Variants in SPTLC3 observed in about 807,000 individuals in gnomAD.
SPTLC3 encodes the protein serine palmitoyltransferase long chain base subunit 3, also known as serine palmitoyltransferase 3.
A neutral mutation model predicts 59.3 loss-of-function variants in SPTLC3; 36 were observed. The observed-to-expected ratio is 0.61, with a 90% CI of 0.47 to 0.80. The LOEUF is 0.80. Among genes scored for constraint, SPTLC3 ranks in the 30% least tolerant of loss-of-function variants. SPTLC3 has a pLI of 0.00. For synonymous variants in SPTLC3, 257 were observed against 240.8 expected (o/e 1.07, Z -0.62); for missense variants, 625 against 685.1 (o/e 0.91, Z 0.98).
chr20:13,027,927 AT>A (rs1324046465), intron 1 of SPTLC3, among the ~76,000 whole-genome samples: 1 of 152,140 alleles, frequency 6.6e-6, no homozygotes, highest in Non-Finnish European at 1.5e-5. Flanking sequence ...TATGATGTAT[AT>A]TTCTTAGAAT....
intron 6 of SPTLC3, among the ~76,000 whole-genome samples, chr20:13,099,133 A>G (rs1019670365): frequency 6.6e-6 from 1 of 152,204 alleles, no homozygotes; most frequent in African/African-American, 2.4e-5. Flanking sequence ...GAGACTATCC[A>G]CGTAGGTCTA....
intron 4 of SPTLC3, among the ~76,000 whole-genome samples, chr20:13,075,918 A>C (rs985721017): frequency 7.2e-5 from 11 of 152,214 alleles, no homozygotes; most frequent in Admixed American, 2.0e-4. Context: ...GTTCACTTAC[A>C]GGGGAAGCCA....
At chr20:13,022,423 C>T (rs58975911) in intron 1 of SPTLC3, among the ~76,000 whole-genome samples, 45,441 of 152,144 alleles carry the variant, frequency 0.3, 7,107 homozygotes, top group South Asian at 0.46. Context: ...TTTTATTATG[C>T]TTGTGGATTC....
At chr20:13,117,437 G>A in intron 7 of SPTLC3, 69 bp from the exon 8 acceptor site, 1 of 1,414,282 alleles carries the variant, frequency 7.1e-7, no homozygotes, top group Non-Finnish European at 9.6e-7. Flanking sequence ...AGGATGTATT[G>A]ATGGGGAAAC....
chr20:13,117,677 A>T lies in SPTLC3; in HGVS notation c.1104A>T (p.Thr368=). 2 of 1,613,780 alleles carry T rather than the reference A, an allele frequency of 1.2e-6. No individual in the cohort carries two copies. The highest frequency in any genetic ancestry group is 1.1e-5 in the South Asian group (1 of 91,014). The part of the protein sequence containing the change: ...DPHEVDVLMG[T]FTKSFGASGG... Reference sequence around the variant, plus strand: ...ATGAAGTTGATGTGCTCATGGGCACATTCACCAAAAGTTTTGGAGCTTCAG... The same window carrying T: ...ATGAAGTTGATGTGCTCATGGGCACTTTCACCAAAAGTTTTGGAGCTTCAG... The change falls in exon 8 of 12, where the codon ACA becomes ACT. Residue 368 remains threonine, a synonymous_variant. Transcript: ENST00000399002.
intron 6 of SPTLC3, among the ~76,000 whole-genome samples, chr20:13,097,465 A>T (rs1249220227): frequency 6.6e-6 from 1 of 152,120 alleles, no homozygotes; most frequent in Non-Finnish European, 1.5e-5. Flanking sequence ...TTTAAGTTAA[A>T]GCTTTGAACA....
chr20:13,142,607 A>G (rs921698983), intron 9 of SPTLC3, among the ~76,000 whole-genome samples: 8 of 152,178 alleles, frequency 5.3e-5, no homozygotes, highest in African/African-American at 1.9e-4. Flanking sequence ...CTTAGTGACC[A>G]TTGAATATAT....
At chr20:13,154,714 G>C (rs1260457783) in intron 10 of SPTLC3, among the ~76,000 whole-genome samples, 2 of 152,182 alleles carry the variant, frequency 1.3e-5, no homozygotes, top group South Asian at 4.1e-4. Context: ...TGCCCTTACT[G>C]TGAACCTGTT....
At chr20:13,044,677 T>G (rs1201036947) in intron 1 of SPTLC3, among the ~76,000 whole-genome samples, 1 of 152,236 alleles carries the variant, frequency 6.6e-6, no homozygotes, top group Non-Finnish European at 1.5e-5. Context: ...TTAATGAGTT[T>G]TTGTATTGTA....
chr20:13,009,324 A>G lies in SPTLC3; in HGVS notation c.57A>G (p.Lys19=). Residue 19 remains lysine (K), a synonymous_variant, in exon 1 of 12, where the codon AAA becomes AAG. Coordinates refer to ENST00000399002, the MANE Select transcript of SPTLC3 (RefSeq NM_018327.4). ...VCNGKLHNHK[K]QSNGSQSRNC... ...ACGGGAAACTTCACAATCACAAGAA[A>G]CAGAGCAATGGCTCACAAAGCAGAA... 1 of 1,614,130 alleles carries G rather than the reference A, an allele frequency of 6.2e-7. No individual in the cohort carries two copies. The highest frequency in any genetic ancestry group is 8.5e-7 in the Non-Finnish European group (1 of 1,179,984).
chr20:13,129,614 C>T (rs1004154504), intron 9 of SPTLC3, among the ~76,000 whole-genome samples: 2 of 152,174 alleles, frequency 1.3e-5, no homozygotes, highest in African/African-American at 2.4e-5. Context: ...CACTCATTTC[C>T]GGAGTCCTTT....
chr20:13,159,970 C>CT (rs76977323), intron 10 of SPTLC3, 33 bp from the exon 11 acceptor site: 44,500 of 890,266 alleles, frequency 0.05, no homozygotes, highest in East Asian at 0.072. Context: ...CAACTAACCA[C>CT]TTTTTTTTTT....
At chr20:13,023,731 T>C (rs1212405970) in intron 1 of SPTLC3, among the ~76,000 whole-genome samples, 1 of 152,200 alleles carries the variant, frequency 6.6e-6, no homozygotes. Flanking sequence ...GGTAACAACA[T>C]GCTTCTCTAT....
At chr20:13,158,581 G>C (rs1001121031) in intron 10 of SPTLC3, among the ~76,000 whole-genome samples, 1 of 152,148 alleles carries the variant, frequency 6.6e-6, no homozygotes, top group East Asian at 1.9e-4. Flanking sequence ...CTCTCATTCT[G>C]TGCAGTTCCG....
chr20:13,121,529 A>G (rs947735977), intron 8 of SPTLC3, among the ~76,000 whole-genome samples: 2 of 152,166 alleles, frequency 1.3e-5, no homozygotes, highest in South Asian at 2.1e-4. Context: ...AGAGAAAACA[A>G]TCAGGGTTTT....
intron 1 of SPTLC3, among the ~76,000 whole-genome samples, chr20:13,040,194 T>G (rs556590419): frequency 6.6e-6 from 1 of 152,260 alleles, no homozygotes; most frequent in African/African-American, 2.4e-5. Flanking sequence ...CCATGTTGTA[T>G]AATTTCCTTA....
intron 1 of SPTLC3, among the ~76,000 whole-genome samples, chr20:13,042,810 T>G (rs1055712813): frequency 6.6e-6 from 1 of 152,242 alleles, no homozygotes; most frequent in African/African-American, 2.4e-5. Context: ...TTAGTGTATT[T>G]CCTTCAATAA....
intron 9 of SPTLC3, among the ~76,000 whole-genome samples, chr20:13,152,862 T>A (rs1012666346): frequency 2.0e-5 from 3 of 152,180 alleles, no homozygotes; most frequent in African/African-American, 7.2e-5. Context: ...AGGGACCAGA[T>A]GACTATGATT....
intron 10 of SPTLC3, among the ~76,000 whole-genome samples, chr20:13,159,393 C>T (rs1308481114): frequency 6.6e-6 from 1 of 152,126 alleles, no homozygotes; most frequent in Admixed American, 6.5e-5. Flanking sequence ...ATGAAACAAT[C>T]AGGAGACCTT....
Sources: gnomAD v4.1 joint callset for allele counts (sites outside exome capture counted in the v4.1 genomes callset) on GRCh38, gnomAD v4.1.1 for gene constraint, MANE v1.5 for transcripts, NCBI Gene and HGNC (gene_info 2026-07-23, HGNC 2026-07-21) for gene names.